Variants in PTGR2 observed in about 807,000 individuals in gnomAD.
PTGR2 encodes 15-oxoprostaglandin 13-reductase.
PTGR2 carries 32 observed loss-of-function variants against 43.4 expected under a neutral mutation model. The ratio of observed to expected loss-of-function variants is 0.74; its 90% CI spans 0.56 to 0.99. The LOEUF is 0.99. PTGR2 is among the 50% of genes least tolerant of loss of function. The probability of loss-of-function intolerance (pLI) is 0.00; values close to 1 mark genes in which losing one functional copy is unlikely to be tolerated. For missense variants in PTGR2, 373 were observed against 420.0 expected, an observed-to-expected ratio of 0.89 and a Z score of 0.98; for synonymous variants, 106 against 139.2, an observed-to-expected ratio of 0.76 and a Z score of 1.68.
chr14:73,880,134 C>T lies in PTGR2; in HGVS notation c.809C>T (p.Ser270Phe). Reference protein sequence around the residue: ...NKDVPYPPPLSPAIEAIQKER... With the variant: ...NKDVPYPPPLFPAIEAIQKER... ...GATGTGCCTTATCCTCCCCCGCTAT[C>T]CCCTGCTATAGAGGCAATCCAGAAA... The change falls in exon 7 of 10, where the codon TCC becomes TTC. Residue 270 changes from serine (S) to phenylalanine (F), a missense_variant. Ser to Phe is a radical substitution (Grantham distance 155). Transcript: ENST00000555661. 6.2e-7 allele frequency: 1 copy of T among 1,613,972 alleles called. No individual in the cohort carries two copies. The highest frequency in any genetic ancestry group is 1.1e-5 in the South Asian group (1 of 91,086).
chr14:73,871,768 T>G (rs1035480332), intron 3 of PTGR2, among the ~76,000 whole-genome samples: 1 of 152,060 alleles, frequency 6.6e-6, no homozygotes, highest in East Asian at 1.9e-4. Context: ...TCCACATCTG[T>G]TTTTAGAAGT....
At chr14:73,868,864 T>G (rs1221146504) in intron 3 of PTGR2, among the ~76,000 whole-genome samples, 1 of 152,118 alleles carries the variant, frequency 6.6e-6, no homozygotes, top group Admixed American at 6.6e-5. Flanking sequence ...TGCTTCCCCA[T>G]GCGACCCTTC....
intron 3 of PTGR2, among the ~76,000 whole-genome samples, chr14:73,867,911 G>T (rs1488869030): frequency 6.6e-6 from 1 of 152,206 alleles, no homozygotes; most frequent in African/African-American, 2.4e-5. Context: ...GCAACTAATT[G>T]TGTCACCTTG....
At position 73,867,689 on chromosome 14, in the gene PTGR2, T is replaced by C. The variant is rs75705439; in HGVS notation, c.157-6334T>C. Among the ~76,000 whole-genome samples the C allele has an allele frequency of 7.9e-5, 12 of 152,300 alleles. No homozygotes were observed. The East Asian group carries it at 2.1e-3, about 27-fold the overall frequency. ...TCATTTCATGCTAGAAAGCACAGTC[T>C]TGAGAATTTTGCCTCTACCAGGTCC... is the stretch of plus-strand genomic sequence containing the variant. On this transcript the variant is annotated intron_variant, in intron 3 of 9. Transcript: ENST00000555661.
intron 5 of PTGR2, chr14:73,878,157 A>T (rs1595369392): frequency 6.6e-6 from 1 of 152,198 alleles, no homozygotes. Context: ...AAACAAAAAA[A>T]GAATCTTATA....
At chr14:73,863,500 A>G (rs781003913) in intron 3 of PTGR2, among the ~76,000 whole-genome samples, 2 of 152,162 alleles carry the variant, frequency 1.3e-5, no homozygotes, top group Non-Finnish European at 2.9e-5. Context: ...TTTTAAAAAA[A>G]CATTTTAAAA....
intron 1 of PTGR2, among the ~76,000 whole-genome samples, chr14:73,853,369 C>T (rs1177498984): frequency 6.6e-6 from 1 of 151,478 alleles, no homozygotes; most frequent in African/African-American, 2.4e-5. Flanking sequence ...GTCGCCCATG[C>T]TGGAGTGCAA....
Position 73,884,348 on chromosome 14 carries a change from A to G in PTGR2, c.*171A>G. On this transcript the variant is annotated 3_prime_UTR_variant, in exon 10 of 10. Coordinates refer to ENST00000555661, the MANE Select transcript of PTGR2 (RefSeq NM_001146154.2). ...TACAATCATTAATGGATCATACACAATAGGTTTTTAAAAATTAATAACTTT... is the reference window on the plus strand; with the variant it reads ...TACAATCATTAATGGATCATACACAGTAGGTTTTTAAAAATTAATAACTTT... 2.2e-6 allele frequency: 1 copy of G among 461,478 alleles called. No individual in the cohort carries two copies. 28.6% of individuals were successfully genotyped at this position (461,478 alleles called of 1,614,324 possible).
At chr14:73,875,739 T>C (rs1595366918) in intron 4 of PTGR2, among the ~76,000 whole-genome samples, 1 of 60,750 alleles carries the variant, frequency 1.6e-5, no homozygotes. Flanking sequence ...AAGCACTTCC[T>C]TTTTTTTTTT....
At chr14:73,862,062 A>G (rs1004775369) in intron 3 of PTGR2, among the ~76,000 whole-genome samples, 12 of 151,546 alleles carry the variant, frequency 7.9e-5, no homozygotes, top group African/African-American at 2.9e-4. Flanking sequence ...TATTTTTAGT[A>G]GAGATGGGGT....
intron 3 of PTGR2, among the ~76,000 whole-genome samples, chr14:73,871,318 A>C (rs1044108173): frequency 9.1e-6 from 1 of 109,678 alleles, no homozygotes; most frequent in South Asian, 3.0e-4. Flanking sequence ...TACCCCATGC[A>C]TCTCTTCTAT....
chr14:73,855,569 C>CT (rs1191275456), intron 1 of PTGR2, among the ~76,000 whole-genome samples: 1 of 151,868 alleles, frequency 6.6e-6, no homozygotes. Flanking sequence ...GCCTCAGTCT[C>CT]TGAGTAGCTG....
rs527903077 is a variant in PTGR2, at chr14:73,857,570, C to T, written c.-47-1246C>T. Among the ~76,000 whole-genome samples, 395 of 150,872 alleles carry T rather than the reference C, an allele frequency of 2.6e-3. 1 individual carries two copies. The highest frequency in any genetic ancestry group is 4.1e-3 in the Non-Finnish European group (278 of 67,856). ...CAGAGGTTGCGGTGAGCTGAGATCGCGCCACTGCACTCCAGCTTGGGTGAC... is the reference window on the plus strand; with the variant it reads ...CAGAGGTTGCGGTGAGCTGAGATCGTGCCACTGCACTCCAGCTTGGGTGAC... On this transcript the variant is annotated intron_variant, in intron 1 of 9. Coordinates refer to ENST00000555661, the MANE Select transcript of PTGR2 (RefSeq NM_001146154.2).
intron 3 of PTGR2, among the ~76,000 whole-genome samples, chr14:73,862,258 A>G (rs2054507878): frequency 6.6e-6 from 1 of 151,748 alleles, no homozygotes; most frequent in South Asian, 2.1e-4. Context: ...CCCAGGCTGG[A>G]GTGCAGTGGC....
rs1486574189 is a variant in PTGR2, at chr14:73,884,957, G to A, written c.*780G>A. ...CACATACTGTCAAGTTGTAAAGATT[G>A]AGAGGGCAAACAGATGTAAACATCA... On this transcript the variant is annotated 3_prime_UTR_variant, in exon 10 of 10. Coordinates refer to ENST00000555661, the MANE Select transcript of PTGR2 (RefSeq NM_001146154.2). The A allele has an allele frequency of 6.6e-6, 1 of 152,176 alleles. No homozygotes were observed. 9.4% of individuals were successfully genotyped at this position (152,176 alleles called of 1,614,324 possible).
At chr14:73,879,998 C>T (rs1456096271) in intron 6 of PTGR2, 57 bp from the exon 7 acceptor site, 5 of 1,575,420 alleles carry the variant, frequency 3.2e-6, no homozygotes, top group Non-Finnish European at 4.4e-6. Flanking sequence ...ATTATGGCAG[C>T]CATAAAATCA....
chr14:73,875,710 T>C (rs17093474), intron 4 of PTGR2, among the ~76,000 whole-genome samples: 23,381 of 150,924 alleles, frequency 0.15, 2,374 homozygotes, highest in East Asian at 0.49. Flanking sequence ...CTTCCATTGT[T>C]GCCAAGTATT....
chr14:73,881,449 G>A (rs1275282806), intron 8 of PTGR2, among the ~76,000 whole-genome samples, 157 bp downstream of exon 8: 1 of 152,134 alleles, frequency 6.6e-6, no homozygotes, highest in African/African-American at 2.4e-5. Context: ...CCTCCCAGGT[G>A]AGTATAACCT....
chr14:73,876,955 C>T, intron 4 of PTGR2, 43 bp from the exon 5 acceptor site: 2 of 1,483,502 alleles, frequency 1.3e-6, no homozygotes, highest in Non-Finnish European at 1.9e-6. Flanking sequence ...TGTCTCAAAA[C>T]AGGAATTCCT....
Sources: allele counts gnomAD v4.1 joint callset (sites outside exome capture counted in the v4.1 genomes callset), GRCh38; gene constraint gnomAD v4.1.1; transcripts MANE v1.5; gene names NCBI Gene and HGNC (gene_info 2026-07-23, HGNC 2026-07-21).